The following ENOX1 variants were observed in gnomAD, a reference collection of about 807,000 sequenced individuals.
ENOX1 encodes candidate growth-related and time keeping constitutive hydroquinone (NADH) oxidase.
In ENOX1, 42 loss-of-function variants were observed where a neutral mutation model predicts 82.5. The ratio of observed to expected loss-of-function variants is 0.51; its 90% confidence interval spans 0.40 to 0.66. The LOEUF is 0.66. Among genes scored for constraint, ENOX1 ranks in the 30% least tolerant of loss-of-function variants. The probability of loss-of-function intolerance (pLI) is 0.00; values close to 1 mark genes in which losing one functional copy is unlikely to be tolerated. For missense variants in ENOX1, 608 were observed against 811.6 expected, an observed-to-expected ratio of 0.75 and a Z score of 3.05; for synonymous variants, 271 against 282.2, an observed-to-expected ratio of 0.96 and a Z score of 0.40.
At position 43,740,349 on chromosome 13, in the gene ENOX1, C is replaced by CT. The variant is rs148142399; in HGVS notation, c.-285+46302dup. Reference sequence around the variant, plus strand: ...AAAGAAGTGACCTCAACCAATTTACCTTTTTTTTTTAACACCTTTACTGAG... The same window carrying CT: ...AAAGAAGTGACCTCAACCAATTTACCTTTTTTTTTTTAACACCTTTACTGAG... On this transcript the variant is annotated intron_variant, in intron 1 of 16. Coordinates refer to ENST00000690772, the MANE Select transcript of ENOX1 (RefSeq NM_001347969.2). Among the ~76,000 whole-genome samples, 104 of 149,288 alleles carry CT rather than the reference C, an allele frequency of 7.0e-4. No individual in the cohort carries two copies. The South Asian group carries it at 7.1e-3, about 10-fold the overall frequency.
intron 2 of ENOX1, among the ~76,000 whole-genome samples, chr13:43,590,807 G>A (rs1347565407): frequency 6.7e-6 from 1 of 148,882 alleles, no homozygotes; most frequent in African/African-American, 2.5e-5. Context: ...AAATGCCTAT[G>A]TATCAAAAGA....
At chr13:43,410,947 T>G (rs887522379) in intron 5 of ENOX1, among the ~76,000 whole-genome samples, 1 of 152,198 alleles carries the variant, frequency 6.6e-6, no homozygotes, top group South Asian at 2.1e-4. Flanking sequence ...CTTGTCTTGT[T>G]TACTGCGGGA....
chr13:43,380,558 C>T (rs1368212473), intron 5 of ENOX1, among the ~76,000 whole-genome samples: 2 of 151,478 alleles, frequency 1.3e-5, no homozygotes, highest in Admixed American at 1.3e-4. Context: ...CCCAATCACA[C>T]TGATAATCAT....
At chr13:43,444,701 A>AT (rs2056530594) in intron 3 of ENOX1, among the ~76,000 whole-genome samples, 2 of 152,282 alleles carry the variant, frequency 1.3e-5, no homozygotes, top group African/African-American at 4.8e-5. Context: ...AAAAACGTGT[A>AT]TAAGAGAGGT....
chr13:43,373,359 A>G (rs1181464622), intron 5 of ENOX1, among the ~76,000 whole-genome samples: 1 of 151,994 alleles, frequency 6.6e-6, no homozygotes, highest in African/African-American at 2.4e-5. Context: ...CTCCCCCAGG[A>G]CCTAAGATAT....
chr13:43,651,675 C>A (rs1001956814), intron 2 of ENOX1, among the ~76,000 whole-genome samples: 1 of 83,334 alleles, frequency 1.2e-5, no homozygotes, highest in African/African-American at 3.7e-5. Flanking sequence ...CCAGCCTGGG[C>A]GACATAGCGA....
At chr13:43,535,892 A>T (rs1025812363) in intron 2 of ENOX1, among the ~76,000 whole-genome samples, 2 of 152,174 alleles carry the variant, frequency 1.3e-5, no homozygotes, top group African/African-American at 4.8e-5. Flanking sequence ...TACACATTAT[A>T]ATTTGTAACT....
At chr13:43,345,767 C>T (rs1187349797) in intron 8 of ENOX1, among the ~76,000 whole-genome samples, 1 of 152,092 alleles carries the variant, frequency 6.6e-6, no homozygotes, top group Non-Finnish European at 1.5e-5. Context: ...AGAAAATGTG[C>T]TTTAGGGAAA....
At chr13:43,297,468 G>A (rs528917132) in intron 12 of ENOX1, among the ~76,000 whole-genome samples, 1 of 151,518 alleles carries the variant, frequency 6.6e-6, no homozygotes, top group Non-Finnish European at 1.5e-5. Flanking sequence ...ATATTCAGAG[G>A]GATAATTTAA....
At chr13:43,231,102 G>T (rs1315702579) in intron 15 of ENOX1, among the ~76,000 whole-genome samples, 1 of 152,160 alleles carries the variant, frequency 6.6e-6, no homozygotes, top group South Asian at 2.1e-4. Context: ...GCACCTTGGG[G>T]CTTTCCAGAG....
intron 2 of ENOX1, among the ~76,000 whole-genome samples, chr13:43,522,140 CTATT>C (rs1368754672): frequency 6.6e-6 from 1 of 151,946 alleles, no homozygotes; most frequent in African/African-American, 2.4e-5. Flanking sequence ...AGGAAAAACT[CTATT>C]TAAAAGTAGA....
intron 2 of ENOX1, among the ~76,000 whole-genome samples, chr13:43,664,705 G>A (rs2084895286): frequency 6.6e-6 from 1 of 152,178 alleles, no homozygotes; most frequent in South Asian, 2.1e-4. Flanking sequence ...GTAAGCTCTT[G>A]CATAAAATGG....
At chr13:43,491,107 C>A (rs1166250347) in intron 2 of ENOX1, among the ~76,000 whole-genome samples, 1 of 152,162 alleles carries the variant, frequency 6.6e-6, no homozygotes, top group African/African-American at 2.4e-5. Flanking sequence ...CCTCAAGAAG[C>A]TTACTATCAT....
At chr13:43,768,924 A>AT (rs1189024416) in intron 1 of ENOX1, among the ~76,000 whole-genome samples, 1 of 152,234 alleles carries the variant, frequency 6.6e-6, no homozygotes, top group Non-Finnish European at 1.5e-5. Flanking sequence ...AATCTCTCCA[A>AT]TGCCATATCT....
At chr13:43,610,350 C>T (rs2082147086) in intron 2 of ENOX1, among the ~76,000 whole-genome samples, 1 of 152,194 alleles carries the variant, frequency 6.6e-6, no homozygotes, top group Admixed American at 6.6e-5. Flanking sequence ...CCTGCTCATT[C>T]ATCCTCCACA....
At chr13:43,623,082 C>T (rs1028873012) in intron 2 of ENOX1, among the ~76,000 whole-genome samples, 18 of 152,096 alleles carry the variant, frequency 1.2e-4, no homozygotes, top group African/African-American at 3.9e-4. Flanking sequence ...CCACACAAAC[C>T]GAAGGGCCAG....
chr13:43,489,156 G>A (rs1165869742), intron 2 of ENOX1, among the ~76,000 whole-genome samples: 1 of 152,164 alleles, frequency 6.6e-6, no homozygotes. Flanking sequence ...AACACATTTT[G>A]AAGATCTTTG....
At chr13:43,756,272 T>C (rs890732238) in intron 1 of ENOX1, among the ~76,000 whole-genome samples, 9 of 151,586 alleles carry the variant, frequency 5.9e-5, no homozygotes, top group African/African-American at 1.9e-4. Context: ...ACATGATATA[T>C]AGAAATTAGC....
At chr13:43,472,311 C>T (rs2058102696) in intron 3 of ENOX1, among the ~76,000 whole-genome samples, 1 of 152,144 alleles carries the variant, frequency 6.6e-6, no homozygotes, top group Non-Finnish European at 1.5e-5. Context: ...TGTTTGCACA[C>T]TTTGTTAAAA....
Sources: allele counts gnomAD v4.1 joint callset (sites outside exome capture counted in the v4.1 genomes callset), GRCh38; gene constraint gnomAD v4.1.1; transcripts MANE v1.5; gene names NCBI Gene and HGNC (gene_info 2026-07-23, HGNC 2026-07-21).